Variants in PRR13 observed in about 807,000 individuals in gnomAD.
PRR13 encodes proline rich 13, also known as proline-rich protein 13.
In PRR13, 7 loss-of-function variants were observed where a neutral mutation model predicts 11.5. The observed-to-expected ratio is 0.61, with a 90% CI of 0.34 to 1.14. The LOEUF is 1.14. Ranked by LOEUF, PRR13 falls within the 50% of genes most tolerant of loss-of-function variation. The pLI, the probability that PRR13 is intolerant of heterozygous loss-of-function variation, is 0.03. For missense variants in PRR13, 155 were observed against 194.4 expected, an observed-to-expected ratio of 0.80 and a Z score of 1.21; for synonymous variants, 53 against 67.8, an observed-to-expected ratio of 0.78 and a Z score of 1.07.
chr12:53,442,378 G>T, intron 1 of PRR13: 1 of 270,600 alleles, frequency 3.7e-6, no homozygotes, highest in Non-Finnish European at 7.1e-6. Context: ...CCGAATAACT[G>T]GGATTACAGG....
In PRR13 at chr12:53,442,742, T is replaced by C; in HGVS notation, c.19+9T>C. On this transcript the variant is annotated intron_variant, in intron 2 of 3. Coordinates refer to ENST00000429243, the MANE Select transcript of PRR13 (RefSeq NM_018457.4). The stretch of plus-strand genomic sequence containing the variant: ...GTGGAATCCCAATGCCGGTAGGTGT[T>C]TGGGGGTTCTGTTCCACCCCTAACC... 1 of 1,609,036 alleles carries C rather than the reference T, an allele frequency of 6.2e-7. No individual in the cohort carries two copies. Among genetic ancestry groups the C allele is most frequent in the Non-Finnish European group, 8.5e-7 (1 of 1,175,406 alleles).
At chr12:53,443,182 A>G in intron 2 of PRR13, 1 of 505,588 alleles carries the variant, frequency 2.0e-6, no homozygotes, top group Non-Finnish European at 3.4e-6. Context: ...TCTTCCTCAG[A>G]GTTCACTGTC....
chr12:53,444,031 C>G, intron 3 of PRR13: 2 of 519,312 alleles, frequency 3.9e-6, no homozygotes, highest in Non-Finnish European at 6.6e-6. Flanking sequence ...AAAGCCAAAT[C>G]TTTTCTGCCC....
chr12:53,443,162 A>C (rs1592617151), intron 2 of PRR13: 1 of 475,484 alleles, frequency 2.1e-6, no homozygotes, highest in Non-Finnish European at 3.7e-6. Context: ...TGGACTGACC[A>C]GTGCTTTTGT....
chr12:53,444,602 T>C (rs1283528727), intron 3 of PRR13, among the ~76,000 whole-genome samples: 2 of 152,256 alleles, frequency 1.3e-5, no homozygotes. Context: ...GTGCTGGGAT[T>C]ACAGGCGTGA....
In PRR13 at chr12:53,443,699, C is replaced by A; in HGVS notation, c.328C>A (p.Gln110Lys). ...GPAVIVDKKM[Q>K]KKMKKAHKKM... ...AGCAGTGATAGTAGACAAGAAGATGCAGAAGAAAATGAAGAAAGCTCATAA... is the reference window on the plus strand; with the variant it reads ...AGCAGTGATAGTAGACAAGAAGATGAAGAAGAAAATGAAGAAAGCTCATAA... The change falls in exon 3 of 4, where the codon CAG (glutamine) becomes AAG (lysine). Residue 110 changes from glutamine (Q) to lysine (K), a missense_variant. Coordinates refer to ENST00000429243, the MANE Select transcript of PRR13 (RefSeq NM_018457.4). The A allele has an allele frequency of 6.2e-7, 1 of 1,614,168 alleles. No homozygotes were observed. The highest frequency in any genetic ancestry group is 1.1e-5 in the South Asian group (1 of 91,084).
rs370896718 is a variant in PRR13, at chr12:53,443,109, G to A, written c.20-282G>A. On this transcript the variant is annotated intron_variant, in intron 2 of 3. Transcript: ENST00000429243. Reference sequence around the variant, plus strand: ...TGGCCTCATGAGATCTGTCCACCTCGGCCTCCCAAAGTGCTGGGATTACAG... The same window carrying A: ...TGGCCTCATGAGATCTGTCCACCTCAGCCTCCCAAAGTGCTGGGATTACAG... The A allele has an allele frequency of 4.1e-4, 158 of 381,300 alleles. 1 individual carries two copies. Among genetic ancestry groups the A allele is most frequent in the Non-Finnish European group, 5.2e-4 (111 of 214,168 alleles). 23.6% of individuals were successfully genotyped at this position (381,300 alleles called of 1,614,324 possible).
rs753958798 is a variant in PRR13 at position 53,443,550 on chromosome 12, C to T, written c.179C>T (p.Pro60Leu). 27 of 1,591,540 alleles carry T rather than the reference C, an allele frequency of 1.7e-5. No individual in the cohort carries two copies. The South Asian group carries it at 2.9e-4, about 17-fold the overall frequency. ...CCAGCTTTCCCCCCAGGTGGGCCCCCTCATCCTGTGCCACAGCCAGGGTAT... is the reference window on the plus strand; with the variant it reads ...CCAGCTTTCCCCCCAGGTGGGCCCCTTCATCCTGTGCCACAGCCAGGGTAT... ...GNPAFPPGGPPHPVPQPGYPG... is the reference protein window; with the variant it reads ...GNPAFPPGGPLHPVPQPGYPG... Residue 60 changes from proline (P) to leucine (L), a missense_variant, in exon 3 of 4, where the codon CCT becomes CTT. Coordinates refer to ENST00000429243, the MANE Select transcript of PRR13 (RefSeq NM_018457.4).
At chr12:53,442,880 T>C in intron 2 of PRR13, 147 bp downstream of exon 2, 3 of 608,222 alleles carry the variant, frequency 4.9e-6, no homozygotes, top group Non-Finnish European at 7.9e-6. Context: ...TGCTTTTTAA[T>C]TTAATTTAAT....
In PRR13 at chr12:53,446,063, C is replaced by T. The variant is rs775834602; in HGVS notation, c.*4C>T. 7 of 1,597,444 alleles carry T rather than the reference C, an allele frequency of 4.4e-6. No homozygotes were observed. The highest frequency in any genetic ancestry group is 3.3e-5 in the South Asian group (3 of 90,586). On this transcript the variant is annotated 3_prime_UTR_variant, in exon 4 of 4. Coordinates refer to ENST00000429243, the MANE Select transcript of PRR13 (RefSeq NM_018457.4). The stretch of plus-strand genomic sequence containing the variant: ...TTCCAGCAGTGATTCTGACTGAATA[C>T]AGGCCCTGGACCCTTCCCTCAAGTC...
rs1231137928 is a variant in PRR13 at position 53,443,568 on chromosome 12, C to T, written c.197C>T (p.Pro66Leu). 1.9e-6 allele frequency: 3 copies of T among 1,602,798 alleles called. No homozygotes were observed. Among genetic ancestry groups the T allele is most frequent in the African/African-American group, 2.7e-5 (2 of 74,688 alleles). The change falls in exon 3 of 4, where the codon CCA (proline) becomes CTA (leucine). Residue 66 changes from proline to leucine, a missense_variant. Coordinates refer to ENST00000429243, the MANE Select transcript of PRR13 (RefSeq NM_018457.4). Reference sequence around the variant, plus strand: ...GGGCCCCCTCATCCTGTGCCACAGCCAGGGTATCCAGGATGCCAACCGTTG... The same window carrying T: ...GGGCCCCCTCATCCTGTGCCACAGCTAGGGTATCCAGGATGCCAACCGTTG... ...PGGPPHPVPQ[P>L]GYPGCQPLGP... is the part of the protein sequence containing the mutation.
intron 3 of PRR13, 137 bp from the exon 4 acceptor site, chr12:53,445,878 C>A: frequency 2.3e-6 from 3 of 1,283,668 alleles, no homozygotes; most frequent in Non-Finnish European, 3.4e-6. Flanking sequence ...ACAGTCTGTT[C>A]AAGACTCCTG....
chr12:53,443,810 C>T (rs1341255147), intron 3 of PRR13, 37 bp downstream of exon 3: 1 of 1,560,428 alleles, frequency 6.4e-7, no homozygotes, highest in South Asian at 1.2e-5. Context: ...GGAAGGAGTC[C>T]CCCCTCAGAG....
intron 1 of PRR13, 143 bp from the exon 2 acceptor site, chr12:53,442,552 A>T (rs1475002114): frequency 1.4e-6 from 1 of 701,192 alleles, no homozygotes; most frequent in Non-Finnish European, 2.5e-6. Flanking sequence ...CAGAAAAGAG[A>T]CATTTCTTAT....
chr12:53,445,903 G>A, intron 3 of PRR13, 112 bp from the exon 4 acceptor site: 1 of 1,521,358 alleles, frequency 6.6e-7, no homozygotes, highest in South Asian at 1.2e-5. Context: ...TCTTAGGGAA[G>A]CAAGGGATAC....
At chr12:53,442,652 C>T (rs538345974) in intron 1 of PRR13, 43 bp from the exon 2 acceptor site, 1 of 1,541,306 alleles carries the variant, frequency 6.5e-7, no homozygotes, top group South Asian at 1.1e-5. Context: ...CCACTTCCTA[C>T]CTCTAGACCG....
rs1940403788 is a variant in PRR13 at position 53,446,573 on chromosome 12, C to G, written c.*514C>G. On this transcript the variant is annotated 3_prime_UTR_variant, in exon 4 of 4. Transcript: ENST00000429243. ...TTTGACTGCGGTTTTGGAACCTTAC[C>G]TCTCCTCCTTAGCCCAATATGCTGT... 1 of 160,134 alleles carries G rather than the reference C, an allele frequency of 6.2e-6. No homozygotes were observed. The highest frequency in any genetic ancestry group is 2.4e-5 in the African/African-American group (1 of 41,462). 9.9% of individuals were successfully genotyped at this position (160,134 alleles called of 1,614,324 possible). A position where few individuals can be genotyped will look rare whatever the true frequency, so the allele number is the denominator to read the frequency against.
At chr12:53,445,949 C>A in intron 3 of PRR13, 66 bp from the exon 4 acceptor site, 2 of 1,612,580 alleles carry the variant, frequency 1.2e-6, no homozygotes, top group Admixed American at 1.7e-5. Flanking sequence ...GAATGGCCCA[C>A]GGAGTGATGA....
chr12:53,442,765 AC>A (rs772467994), intron 2 of PRR13, 32 bp downstream of exon 2: 6 of 1,593,492 alleles, frequency 3.8e-6, no homozygotes, highest in Non-Finnish European at 4.3e-6. Flanking sequence ...TCCACCCCTA[AC>A]CCTTTTTCTG....
Sources: allele counts gnomAD v4.1 joint callset (sites outside exome capture counted in the v4.1 genomes callset), GRCh38; gene constraint gnomAD v4.1.1; transcripts MANE v1.5; gene names NCBI Gene and HGNC (gene_info 2026-07-23, HGNC 2026-07-21).